UBFD1: variants seen among roughly 807,000 people sequenced by gnomAD.
UBFD1 encodes the protein ubiquitin domain-containing protein UBFD1.
In UBFD1, 12 loss-of-function variants were observed where a neutral mutation model predicts 35.1. That is an observed-to-expected ratio of 0.34 (90% CI 0.22 to 0.55). The LOEUF is 0.55. UBFD1 is among the 20% of genes least tolerant of loss of function. The pLI is 0.89. For missense variants in UBFD1, 337 were observed against 410.8 expected (o/e 0.82, Z 1.55); for synonymous variants, 178 against 167.6 (o/e 1.06, Z -0.48).
chr16:23,559,826 G>A, intron 3 of UBFD1, 150 bp downstream of exon 3: 7 of 1,541,198 alleles, frequency 4.5e-6, no homozygotes, highest in Non-Finnish European at 6.1e-6. Context: ...GCAGAGTGGA[G>A]GTGACAACTA....
At chr16:23,558,316 C>T (rs769996685) in intron 2 of UBFD1, 37 bp downstream of exon 2, 7 of 1,592,242 alleles carry the variant, frequency 4.4e-6, no homozygotes, top group Non-Finnish European at 3.4e-6. Flanking sequence ...TCTTCCCCAC[C>T]CCGCCTCCTG....
In UBFD1 at chr16:23,567,109, TC is replaced by T. The variant is rs771295101; in HGVS notation, c.819+43del. On this transcript the variant is annotated intron_variant, in intron 6 of 6. Coordinates refer to ENST00000395878, the MANE Select transcript of UBFD1 (RefSeq NM_019116.3). ...CTGAGTTCAGCCCCTCTCACTAGAC[TC>T]CCACTTCACCTGGCAGGGAACAGTT... 9.5e-6 allele frequency: 15 copies of T among 1,580,322 alleles called. No individual in the cohort carries two copies. In the East Asian group the frequency reaches 2.5e-4, roughly 26 times the overall value.
chr16:23,560,237 CT>C (rs1004382138), intron 3 of UBFD1, among the ~76,000 whole-genome samples: 38 of 152,172 alleles, frequency 2.5e-4, no homozygotes, highest in African/African-American at 8.7e-4. Flanking sequence ...GTTCTCTGTT[CT>C]TTTGGCTGCA....
At position 23,562,641 on chromosome 16, in the gene UBFD1, T is replaced by A; in HGVS notation, c.647T>A (p.Val216Glu). ...TGCCTTCAGGAGCGCCTGCCAACGG[T>A]ACCGCTGTCCGGCATGTACAATAAA... The part of the protein sequence containing the change: ...VKGAQERLPT[V>E]PLSGMYNKSG... The change falls in exon 5 of 7, where the codon GTA becomes GAA. Residue 216 changes from valine (V) to glutamate (E), a missense_variant. Coordinates refer to ENST00000395878, the MANE Select transcript of UBFD1 (RefSeq NM_019116.3). 1 of 1,614,134 alleles carries A rather than the reference T, an allele frequency of 6.2e-7. No homozygotes were observed. Among genetic ancestry groups the A allele is most frequent in the East Asian group, 2.2e-5 (1 of 44,872 alleles).
intron 5 of UBFD1, among the ~76,000 whole-genome samples, chr16:23,563,710 G>T (rs1965971210): frequency 2.6e-5 from 4 of 152,150 alleles, no homozygotes. Flanking sequence ...TCAACACTGG[G>T]CCTTAGTTTA....
chr16:23,562,546 G>A (rs1965951828), intron 4 of UBFD1, 79 bp from the exon 5 acceptor site: 1 of 1,347,414 alleles, frequency 7.4e-7, no homozygotes, highest in African/African-American at 1.4e-5. Flanking sequence ...GGGATTACAG[G>A]CGTGAGCCAC....
intron 6 of UBFD1, 141 bp from the exon 7 acceptor site, chr16:23,570,339 A>G (rs1241787443): frequency 3.1e-6 from 2 of 653,770 alleles, no homozygotes; most frequent in East Asian, 2.7e-5. Context: ...TGGTTGGGAG[A>G]ATGCTCCCCA....
rs1446963404 is a variant in UBFD1, at chr16:23,574,007, T to C, written c.*3417T>C. On this transcript the variant is annotated 3_prime_UTR_variant, in exon 7 of 7. Coordinates refer to ENST00000395878, the MANE Select transcript of UBFD1 (RefSeq NM_019116.3). ...GTGATAAAGTCATCTCCAGTTAGGA[T>C]CTGCACCTGTTTCCTTCGTAATAGT... 6.6e-6 allele frequency: 1 copy of C among 152,300 alleles called. No homozygotes were observed. Among genetic ancestry groups the C allele is most frequent in the East Asian group, 1.9e-4 (1 of 5,204 alleles). 9.4% of individuals were successfully genotyped at this position (152,300 alleles called of 1,614,324 possible).
intron 5 of UBFD1, chr16:23,566,126 A>G (rs1013417116): frequency 2.6e-5 from 4 of 152,194 alleles, no homozygotes; most frequent in African/African-American, 9.7e-5. Flanking sequence ...AGAACTTCAT[A>G]AAAGTGTGTG....
chr16:23,557,859 C>G, intron 1 of UBFD1, 91 bp from the exon 2 acceptor site: 1 of 1,273,324 alleles, frequency 7.9e-7, no homozygotes, highest in Non-Finnish European at 9.9e-7. Flanking sequence ...GGGAGAACCG[C>G]GGCTCGGGAA....
In UBFD1 at chr16:23,558,016, T is replaced by G; in HGVS notation, c.92T>G (p.Val31Gly). The stretch of plus-strand genomic sequence containing the variant: ...GCTACTGAGGCTCCCGCGCGGCCCG[T>G]CAACTGCCTGGAGGCTGAAGCCGCG... ...TVATEAPARP[V>G]NCLEAEAAAG... Residue 31 changes from valine (V) to glycine (G), a missense_variant, in exon 2 of 7, where the codon GTC becomes GGC. Coordinates refer to ENST00000395878, the MANE Select transcript of UBFD1 (RefSeq NM_019116.3). 7.4e-7 allele frequency: 1 copy of G among 1,358,126 alleles called. No individual in the cohort carries two copies. The highest frequency in any genetic ancestry group is 9.4e-7 in the Non-Finnish European group (1 of 1,059,710). 84.1% of individuals were successfully genotyped at this position (1,358,126 alleles called of 1,614,324 possible).
Position 23,557,775 on chromosome 16 carries a change from CGGCGGG to C in UBFD1, c.25+11_25+16del, listed in dbSNP as rs1965834723. The C allele has an allele frequency of 1.6e-6, 2 of 1,282,334 alleles. No individual in the cohort carries two copies. The highest frequency in any genetic ancestry group is 1.6e-5 in the African/African-American group (1 of 64,484). 79.4% of individuals were successfully genotyped at this position (1,282,334 alleles called of 1,614,324 possible). On this transcript the variant is annotated intron_variant, in intron 1 of 6. Transcript: ENST00000395878. ...CGGCCGGGGCCCCGGATGGTGAGTG[CGGCGGG>C]GGTGGCGGGCGCCGGGCCGGGGCTG...
At chr16:23,558,394 G>T in intron 2 of UBFD1, 115 bp downstream of exon 2, 1 of 1,285,976 alleles carries the variant, frequency 7.8e-7, no homozygotes, top group South Asian at 1.5e-5. Flanking sequence ...CCTTACAGCA[G>T]TCTTCTGAAG....
rs2142225148 is a variant in UBFD1, at chr16:23,573,646, T to G, written c.*3056T>G. Reference sequence around the variant, plus strand: ...CCACGTAAGGCCCTGAGTAGGCTCCTTAGTTGCTGCTTTACCTGATGAGGG... The same window carrying G: ...CCACGTAAGGCCCTGAGTAGGCTCCGTAGTTGCTGCTTTACCTGATGAGGG... On this transcript the variant is annotated 3_prime_UTR_variant, in exon 7 of 7. Transcript: ENST00000395878. 6.5e-6 allele frequency: 1 copy of G among 152,804 alleles called. No homozygotes were observed. Among genetic ancestry groups the G allele is most frequent in the South Asian group, 2.1e-4 (1 of 4,826 alleles). 9.5% of individuals were successfully genotyped at this position (152,804 alleles called of 1,614,324 possible). A position where few individuals can be genotyped will look rare whatever the true frequency, so the allele number is the denominator to read the frequency against.
At position 23,572,735 on chromosome 16, in the gene UBFD1, A is replaced by C. The variant is rs1279218114; in HGVS notation, c.*2145A>C. The stretch of plus-strand genomic sequence containing the variant: ...TTTCAGGAGGACCAAAGCCTGCGTG[A>C]GCCTTTTTATTTTCAGTAAAATGGT... On this transcript the variant is annotated 3_prime_UTR_variant, in exon 7 of 7. Coordinates refer to ENST00000395878, the MANE Select transcript of UBFD1 (RefSeq NM_019116.3). 2.6e-5 allele frequency: 4 copies of C among 153,560 alleles called. No homozygotes were observed. The highest frequency in any genetic ancestry group is 5.9e-5 in the Non-Finnish European group (4 of 68,044). The allele number at this position is 153,560 out of a possible 1,614,324, so 9.5% of individuals were successfully genotyped here.
In UBFD1 at chr16:23,570,494, C is replaced by T; in HGVS notation, c.834C>T (p.Gly278=). The T allele has an allele frequency of 1.9e-6, 3 of 1,613,944 alleles. 1 individual carries two copies. Among genetic ancestry groups the T allele is most frequent in the East Asian group, 4.5e-5 (2 of 44,876 alleles). The change falls in exon 7 of 7, where the codon GGC becomes GGT. Residue 278 remains glycine, a synonymous_variant. Coordinates refer to ENST00000395878, the MANE Select transcript of UBFD1 (RefSeq NM_019116.3). ...TTCCCTTCCAGGCGTTTCAGTTGGG[C>T]CCCACGGAAGCCTCTTACTACTGGG... The part of the protein sequence containing the change: ...EDYHMMAFQL[G]PTEASYYWVY...
At position 23,574,205 on chromosome 16, in the gene UBFD1, T is replaced by C. The variant is rs948131244; in HGVS notation, c.*3615T>C. 1 of 152,646 alleles carries C rather than the reference T, an allele frequency of 6.6e-6. No individual in the cohort carries two copies. The highest frequency in any genetic ancestry group is 2.4e-5 in the African/African-American group (1 of 41,434). The allele number at this position is 152,646 out of a possible 1,614,324, so 9.5% of individuals were successfully genotyped here. A position where few individuals can be genotyped will look rare whatever the true frequency, so the allele number is the denominator to read the frequency against. On this transcript the variant is annotated 3_prime_UTR_variant, in exon 7 of 7. Transcript: ENST00000395878. ...TTTGACAATATTTGTAAGTACCATG[T>C]TTCCTTGTGGTGTATGCTCTGTTCT...
chr16:23,565,711 A>G (rs1033002752), intron 5 of UBFD1: 3 of 152,196 alleles, frequency 2.0e-5, no homozygotes, highest in Admixed American at 6.5e-5. Context: ...GTCCCCAGCT[A>G]GACCAGAACG....
At chr16:23,567,194 AC>A (rs1286497831) in intron 6 of UBFD1, 125 bp downstream of exon 6, 11 of 840,650 alleles carry the variant, frequency 1.3e-5, no homozygotes, top group Non-Finnish European at 2.1e-5. Context: ...CTTTTTTAAG[AC>A]CCTGATGTTT....
Sources: allele counts gnomAD v4.1 joint callset (sites outside exome capture counted in the v4.1 genomes callset), GRCh38; gene constraint gnomAD v4.1.1; transcripts MANE v1.5; gene names NCBI Gene and HGNC (gene_info 2026-07-23, HGNC 2026-07-21).